EML1: variants seen among roughly 807,000 people sequenced by gnomAD.
EML1 encodes the protein echinoderm microtubule-associated protein-like 1.
A neutral mutation model predicts 110.4 loss-of-function variants in EML1; 27 were observed. The ratio of observed to expected loss-of-function variants is 0.24; its 90% CI spans 0.18 to 0.34. The LOEUF is 0.34. Among genes scored for constraint, EML1 ranks in the 10% least tolerant of loss-of-function variants. EML1 has a pLI of 1.00. For synonymous variants in EML1, 344 were observed against 385.8 expected (o/e 0.89, Z 1.27); for missense variants, 741 against 1,030.9 (o/e 0.72, Z 3.85).
At chr14:99,919,700 T>A (rs1331206969) in intron 16 of EML1, among the ~76,000 whole-genome samples, 3 of 152,142 alleles carry the variant, frequency 2.0e-5, no homozygotes, top group Non-Finnish European at 4.4e-5. Context: ...TAGGCTTAGC[T>A]CCCGATGCTG....
upstream of EML1, among the ~76,000 whole-genome samples, chr14:99,790,916 G>A (rs2057662763): frequency 1.4e-5 from 2 of 146,560 alleles, no homozygotes; most frequent in African/African-American, 2.6e-5. Flanking sequence ...GGAGTGCAGT[G>A]GTGTGATCTT....
At chr14:99,878,697 C>T in intron 4 of EML1, 78 bp downstream of exon 4, 1 of 1,521,060 alleles carries the variant, frequency 6.6e-7, no homozygotes, top group Non-Finnish European at 8.8e-7. Context: ...GTCAGAAGAT[C>T]CCCTCATATT....
At chr14:99,808,577 G>A (rs1330349914) in intron 1 of EML1, among the ~76,000 whole-genome samples, 1 of 152,026 alleles carries the variant, frequency 6.6e-6, no homozygotes, top group African/African-American at 2.4e-5. Flanking sequence ...ATTTAATTTT[G>A]TTTATTTTTC....
intron 20 of EML1, 108 bp downstream of exon 20, chr14:99,938,020 G>A (rs569173236): frequency 2.7e-5 from 30 of 1,108,786 alleles, no homozygotes; most frequent in African/African-American, 9.3e-5. Context: ...CAGATTGCTC[G>A]GCTGCTACGG....
intron 1 of EML1, among the ~76,000 whole-genome samples, chr14:99,811,726 C>T (rs1365542872): frequency 6.6e-6 from 1 of 150,694 alleles, no homozygotes; most frequent in Non-Finnish European, 1.5e-5. Context: ...TGGAGGATTG[C>T]TTGAAACTGG....
intron 8 of EML1, among the ~76,000 whole-genome samples, chr14:99,898,918 G>A (rs537601515): frequency 2.6e-5 from 4 of 152,186 alleles, no homozygotes; most frequent in Admixed American, 2.0e-4. Flanking sequence ...ATTTAATAAA[G>A]TTAAAATTAT....
intron 12 of EML1, 122 bp from the exon 13 acceptor site, chr14:99,911,300 A>G (rs1212075391): frequency 2.6e-6 from 3 of 1,159,198 alleles, no homozygotes; most frequent in South Asian, 1.8e-5. Flanking sequence ...TCATAGATTC[A>G]TATTGCAATG....
In EML1 at chr14:99,796,936, T is replaced by TGTGAGAGAGA. The variant is rs368044152; in HGVS notation, c.67+3394_67+3395insTGAGAGAGAG. ...GTGTGTGTGTGTGTGTGTGTGTGTG[T>TGTGAGAGAGA]GAGAGAGTAATAGCTTTATTGAAAT... On this transcript the variant is annotated intron_variant, in intron 1 of 21. Transcript: ENST00000262233. Among the ~76,000 whole-genome samples the TGTGAGAGAGA allele has an allele frequency of 2.0e-3, 299 of 150,142 alleles. 4 individuals are homozygous for TGTGAGAGAGA. In the East Asian group the frequency reaches 0.022, roughly 11 times the overall value.
At chr14:99,883,729 T>A (rs746733360) in intron 4 of EML1, among the ~76,000 whole-genome samples, 8 of 152,198 alleles carry the variant, frequency 5.3e-5, no homozygotes, top group Non-Finnish European at 1.2e-4. Flanking sequence ...CCTTCTTCAT[T>A]TGCTAAATGA....
At chr14:99,760,083 C>CAAAAAAAAAAAAAAAAA (rs61619098) in intron 1 of EML1, among the ~76,000 whole-genome samples, 5 of 47,146 alleles carry the variant, frequency 1.1e-4, no homozygotes, top group African/African-American at 3.9e-4. Context: ...GACTCCCTCT[C>CAAAAAAAAAAAAAAAAA]AAAAAAAAAA....
upstream of EML1, among the ~76,000 whole-genome samples, chr14:99,790,111 G>T (rs1566865057): frequency 6.6e-6 from 1 of 152,096 alleles, no homozygotes; most frequent in Non-Finnish European, 1.5e-5. Flanking sequence ...GGTTAAGAGA[G>T]CAATGATCTT....
chr14:99,931,512 A>T (rs2060367558), intron 17 of EML1, among the ~76,000 whole-genome samples: 1 of 151,970 alleles, frequency 6.6e-6, no homozygotes, highest in Non-Finnish European at 1.5e-5. Flanking sequence ...GAGCACCTGG[A>T]CTCTTGCTCC....
chr14:99,910,220 A>T, intron 11 of EML1, 22 bp from the exon 12 acceptor site: 1 of 1,521,540 alleles, frequency 6.6e-7, no homozygotes, highest in South Asian at 1.2e-5. Context: ...TATATATATA[A>T]TTTTTTTACT....
chr14:99,911,168 C>G (rs530274554), intron 12 of EML1, among the ~76,000 whole-genome samples: 9 of 152,190 alleles, frequency 5.9e-5, no homozygotes, highest in Admixed American at 1.3e-4. Flanking sequence ...AACTCAGAGC[C>G]CACGTTCTCA....
At chr14:99,807,302 A>T (rs1338037999) in intron 1 of EML1, among the ~76,000 whole-genome samples, 1 of 152,206 alleles carries the variant, frequency 6.6e-6, no homozygotes, top group African/African-American at 2.4e-5. Flanking sequence ...CAATGAAATG[A>T]CTGTGTGAAC....
chr14:99,881,527 A>G (rs2059383531), intron 4 of EML1, among the ~76,000 whole-genome samples: 1 of 152,150 alleles, frequency 6.6e-6, no homozygotes, highest in South Asian at 2.1e-4. Context: ...GGAGTCCTAA[A>G]TATTAACCTT....
intron 4 of EML1, among the ~76,000 whole-genome samples, chr14:99,879,925 A>G (rs2059357836): frequency 6.6e-6 from 1 of 152,214 alleles, no homozygotes; most frequent in Non-Finnish European, 1.5e-5. Flanking sequence ...ATTTTTATTA[A>G]GAATTTCCAA....
intron 7 of EML1, 58 bp from the exon 8 acceptor site, chr14:99,898,175 A>G: frequency 7.0e-7 from 1 of 1,435,922 alleles, no homozygotes; most frequent in Non-Finnish European, 9.4e-7. Context: ...TATTTGAGCA[A>G]GGGAAAAGTA....
intron 17 of EML1, among the ~76,000 whole-genome samples, chr14:99,922,688 G>A (rs898319681): frequency 2.6e-5 from 4 of 152,132 alleles, no homozygotes; most frequent in African/African-American, 4.8e-5. Context: ...ATTCTAAAGA[G>A]GGTGTAATGG....
Sources: allele counts gnomAD v4.1 joint callset (sites outside exome capture counted in the v4.1 genomes callset), GRCh38; gene constraint gnomAD v4.1.1; transcripts MANE v1.5; gene names NCBI Gene and HGNC (gene_info 2026-07-23, HGNC 2026-07-21).